Variants in NRCAM observed in about 807,000 individuals in gnomAD.
NRCAM encodes neuronal cell adhesion molecule.
Under a neutral mutation model 156.5 loss-of-function variants are expected in NRCAM, and 83 were observed. The observed-to-expected ratio is 0.53, with a 90% CI of 0.44 to 0.64. The LOEUF (loss-of-function observed/expected upper bound fraction) is 0.64, where lower values mean the gene tolerates loss of function less well. Ranked by LOEUF, NRCAM falls within the 30% of genes least tolerant of loss-of-function variation. The pLI is 0.00. For synonymous variants in NRCAM, 538 were observed against 563.9 expected, an observed-to-expected ratio of 0.95 and a Z score of 0.65; for missense variants, 1,417 against 1,597.3, an observed-to-expected ratio of 0.89 and a Z score of 1.92.
chr7:108,311,952 T>G (rs919264737), intron 3 of NRCAM, among the ~76,000 whole-genome samples: 3 of 152,210 alleles, frequency 2.0e-5, no homozygotes, highest in African/African-American at 4.8e-5. Context: ...CTATTATTGG[T>G]TGAGATACAG....
intron 2 of NRCAM, among the ~76,000 whole-genome samples, chr7:108,385,356 C>G (rs1047281452): frequency 6.6e-6 from 1 of 152,132 alleles, no homozygotes; most frequent in Non-Finnish European, 1.5e-5. Flanking sequence ...GTAACGGAGA[C>G]GGGTGTAAAC....
chr7:108,250,261 CA>C (rs1209453916), intron 3 of NRCAM, among the ~76,000 whole-genome samples: 1 of 151,692 alleles, frequency 6.6e-6, no homozygotes, highest in Non-Finnish European at 1.5e-5. Flanking sequence ...TCCACACACA[CA>C]AAAAATACAC....
intron 2 of NRCAM, among the ~76,000 whole-genome samples, chr7:108,353,565 C>T (rs2099445392): frequency 6.6e-6 from 1 of 152,146 alleles, no homozygotes; most frequent in Admixed American, 6.6e-5. Context: ...AAGCAATCTT[C>T]CCGCTTCAAC....
At chr7:108,257,278 T>C (rs545408445) in intron 3 of NRCAM, among the ~76,000 whole-genome samples, 1 of 152,254 alleles carries the variant, frequency 6.6e-6, no homozygotes, top group East Asian at 1.9e-4. Flanking sequence ...GGATGAAGTT[T>C]GCTGTTAAAA....
At chr7:108,214,989 T>C (rs2087171216) in intron 11 of NRCAM, among the ~76,000 whole-genome samples, 1 of 152,196 alleles carries the variant, frequency 6.6e-6, no homozygotes, top group Non-Finnish European at 1.5e-5. Flanking sequence ...TTCTTCTGCA[T>C]TTGGTGAGGA....
intron 1 of NRCAM, among the ~76,000 whole-genome samples, chr7:108,420,395 T>C (rs1179054509): frequency 6.6e-6 from 1 of 152,174 alleles, no homozygotes; most frequent in African/African-American, 2.4e-5. Flanking sequence ...CTGTGTGTTC[T>C]GAATAAATGG....
At chr7:108,182,551 C>T in intron 23 of NRCAM, 144 bp downstream of exon 23, 3 of 675,810 alleles carry the variant, frequency 4.4e-6, no homozygotes, top group Non-Finnish European at 7.8e-6. Flanking sequence ...CTCTTTCTTA[C>T]ACAGCAGGCT....
At chr7:108,299,142 A>AAAGAAAGAAAGAAAG (rs1563164873) in intron 3 of NRCAM, among the ~76,000 whole-genome samples, 1 of 78,632 alleles carries the variant, frequency 1.3e-5, no homozygotes, top group Non-Finnish European at 2.8e-5. Flanking sequence ...AAGAAAGAAA[A>AAAGAAAGAAAGAAAG]GAAAAGTAAA....
chr7:108,257,751 G>A (rs1173390099), intron 3 of NRCAM, among the ~76,000 whole-genome samples: 1 of 152,118 alleles, frequency 6.6e-6, no homozygotes, highest in African/African-American at 2.4e-5. Flanking sequence ...TGATTTTTAT[G>A]ATATATTAAG....
chr7:108,210,455 T>A (rs1588378682), intron 11 of NRCAM, among the ~76,000 whole-genome samples: 1 of 152,148 alleles, frequency 6.6e-6, no homozygotes, highest in African/African-American at 2.4e-5. Context: ...ATTGTTTTAG[T>A]CAGTATGGTC....
intron 11 of NRCAM, among the ~76,000 whole-genome samples, chr7:108,212,070 C>CAACA (rs2153604285): frequency 6.6e-6 from 1 of 152,338 alleles, no homozygotes; most frequent in Admixed American, 6.5e-5. Flanking sequence ...CATCACAGGA[C>CAACA]TCTGTGCAAA....
At chr7:108,232,565 A>C (rs1589318546) in intron 6 of NRCAM, 43 bp from the exon 7 acceptor site, 1 of 1,392,446 alleles carries the variant, frequency 7.2e-7, no homozygotes, top group Non-Finnish European at 9.7e-7. Context: ...TGGTCCAGAA[A>C]AATGGGATTA....
chr7:108,160,621 G>T, intron 30 of NRCAM, 129 bp from the exon 31 acceptor site: 1 of 628,308 alleles, frequency 1.6e-6, no homozygotes, highest in Non-Finnish European at 2.6e-6. Context: ...CCCAAATTAG[G>T]ATCTGTCAAT....
At chr7:108,336,111 G>A (rs1337043516) in intron 2 of NRCAM, among the ~76,000 whole-genome samples, 1 of 152,064 alleles carries the variant, frequency 6.6e-6, no homozygotes, top group East Asian at 1.9e-4. Flanking sequence ...TCTAATTCAG[G>A]ATTTTGCTGA....
chr7:108,193,972 G>T, intron 17 of NRCAM, 52 bp downstream of exon 17: 3 of 1,576,852 alleles, frequency 1.9e-6, no homozygotes, highest in Non-Finnish European at 2.6e-6. Context: ...TTTAGTTCAA[G>T]AATAGCTTAA....
At chr7:108,283,727 C>T (rs1490893257) in intron 3 of NRCAM, among the ~76,000 whole-genome samples, 4 of 152,180 alleles carry the variant, frequency 2.6e-5, no homozygotes, top group Non-Finnish European at 5.9e-5. Context: ...TTCAGTGTTC[C>T]ACTCCCTTTG....
Position 108,401,089 on chromosome 7 carries a change from G to A in NRCAM, c.-331-1496C>T, listed in dbSNP as rs575072202. Reference sequence around the variant, plus strand: ...AGCCTGATCAACATGGTGAAACCCCGTCTCTACTAAAAAATACAAAAACGC... The same window carrying A: ...AGCCTGATCAACATGGTGAAACCCCATCTCTACTAAAAAATACAAAAACGC... On this transcript the variant is annotated intron_variant, in intron 1 of 32. Transcript: ENST00000379028. Among the ~76,000 whole-genome samples the A allele has an allele frequency of 1.8e-4, 28 of 151,862 alleles. 1 individual carries two copies. The South Asian group carries it at 5.5e-3, about 30-fold the overall frequency.
rs113877288 is a variant in NRCAM at position 108,332,016 on chromosome 7, T to C, written c.-173-19285A>G. Among the ~76,000 whole-genome samples the C allele has an allele frequency of 5.8e-3, 890 of 152,344 alleles. 9 individuals carry two copies. Among genetic ancestry groups the C allele is most frequent in the African/African-American group, 0.02 (848 of 41,576 alleles). On this transcript the variant is annotated intron_variant, in intron 2 of 32. Coordinates refer to ENST00000379028, the MANE Select transcript of NRCAM (RefSeq NM_001037132.4). ...AAAATGAATTAACCAAGTGTTTCTT[T>C]CCTCTCTCCTGAAATGCTATGCTAT... is the stretch of plus-strand genomic sequence containing the variant.
intron 2 of NRCAM, among the ~76,000 whole-genome samples, chr7:108,361,106 T>C (rs1430942986): frequency 1.3e-5 from 2 of 152,192 alleles, no homozygotes; most frequent in African/African-American, 2.4e-5. Context: ...CAAAATAATA[T>C]ACACATATGG....
Sources: allele counts gnomAD v4.1 joint callset (sites outside exome capture counted in the v4.1 genomes callset), GRCh38; gene constraint gnomAD v4.1.1; transcripts MANE v1.5; gene names NCBI Gene and HGNC (gene_info 2026-07-23, HGNC 2026-07-21).